Variants in HMGCLL1 observed in about 807,000 individuals in gnomAD.
The protein encoded by HMGCLL1 is 3-hydroxy-3-methylglutaryl-CoA lyase like 1.
A neutral mutation model predicts 39.1 loss-of-function variants in HMGCLL1; 36 were observed. The ratio of observed to expected loss-of-function variants is 0.92; its 90% confidence interval spans 0.71 to 1.22. The LOEUF (loss-of-function observed/expected upper bound fraction) is 1.22. HMGCLL1 is among the 50% of genes most tolerant of loss of function. HMGCLL1 has a pLI of 0.00. For synonymous variants in HMGCLL1, 149 were observed against 144.0 expected (o/e 1.03, Z -0.25); for missense variants, 451 against 416.5 (o/e 1.08, Z -0.72).
At chr6:55,652,477 A>G in the HMGCLL1 span, among the ~76,000 whole-genome samples, 1 of 152,114 alleles carries the variant, frequency 6.6e-6, no homozygotes, top group Non-Finnish European at 1.5e-5. Flanking sequence ...GAAAAAAATA[A>G]ACCCTAAGAG....
At chr6:55,663,125 A>C in the HMGCLL1 span, among the ~76,000 whole-genome samples, 1 of 151,176 alleles carries the variant, frequency 6.6e-6, no homozygotes, top group Non-Finnish European at 1.5e-5. Context: ...TTAAAAAAAA[A>C]CATACTCCTG....
At chr6:55,551,679 T>C (rs1210034997) in intron 1 of HMGCLL1, among the ~76,000 whole-genome samples, 1 of 151,956 alleles carries the variant, frequency 6.6e-6, no homozygotes, top group Non-Finnish European at 1.5e-5. Context: ...GTACAGCCTC[T>C]ACCCAAACCA....
In HMGCLL1 at chr6:55,500,709, CT is replaced by C. The variant is rs757837627; in HGVS notation, c.543-1411del. 7.8e-4 allele frequency among the ~76,000 whole-genome samples: 118 copies of C among 151,984 alleles called. No homozygotes were observed. The Middle Eastern group carries it at 0.01, about 13-fold the overall frequency. On this transcript the variant is annotated intron_variant, in intron 5 of 8. Transcript: ENST00000274901. The stretch of plus-strand genomic sequence containing the variant: ...CCAATCACTATAATCTAAGTTTATG[CT>C]TTAGATAATCTGTACATTTAATCAA...
the HMGCLL1 span, among the ~76,000 whole-genome samples, chr6:55,592,748 C>T: frequency 1.3e-5 from 2 of 152,000 alleles, no homozygotes; most frequent in African/African-American, 2.4e-5. Context: ...TTTTCAAGTG[C>T]AGTTCTAAAT....
At chr6:55,620,252 T>G in the HMGCLL1 span, among the ~76,000 whole-genome samples, 1 of 152,114 alleles carries the variant, frequency 6.6e-6, no homozygotes, top group African/African-American at 2.4e-5. Context: ...TACTTTTAGT[T>G]TTTTGAGGAA....
the HMGCLL1 span, among the ~76,000 whole-genome samples, chr6:55,607,403 T>C: frequency 6.6e-6 from 1 of 152,154 alleles, no homozygotes; most frequent in African/African-American, 2.4e-5. Flanking sequence ...ATGTGGTGGA[T>C]GCTATAATGT....
At chr6:55,564,693 C>CT (rs1771127039) in intron 1 of HMGCLL1, among the ~76,000 whole-genome samples, 1 of 151,996 alleles carries the variant, frequency 6.6e-6, no homozygotes, top group South Asian at 2.1e-4. Context: ...TTTTTGATGA[C>CT]TTTGAGTCAA....
chr6:55,639,804 C>A, the HMGCLL1 span, among the ~76,000 whole-genome samples: 3 of 152,154 alleles, frequency 2.0e-5, no homozygotes, highest in East Asian at 5.8e-4. Context: ...GTGGGCCAGG[C>A]ACAGTGGCTC....
the HMGCLL1 span, among the ~76,000 whole-genome samples, chr6:55,606,289 C>T: frequency 3.9e-5 from 6 of 152,240 alleles, no homozygotes; most frequent in South Asian, 1.2e-3. Context: ...ACTTTTTATA[C>T]ACACGACATA....
chr6:55,587,730 CA>C, the HMGCLL1 span, among the ~76,000 whole-genome samples: 3 of 151,284 alleles, frequency 2.0e-5, no homozygotes, highest in Non-Finnish European at 3.0e-5. Context: ...AAATGGAAAA[CA>C]AAAAAAGGCA....
At chr6:55,581,511 T>G (rs1266180814), upstream of HMGCLL1, among the ~76,000 whole-genome samples, 1 of 152,080 alleles carries the variant, frequency 6.6e-6, no homozygotes, top group African/African-American at 2.4e-5. Flanking sequence ...TGCTTAAAAT[T>G]TATACATTTG....
At chr6:55,495,673 C>A in intron 6 of HMGCLL1, 66 bp from the exon 7 acceptor site, 3 of 1,151,532 alleles carry the variant, frequency 2.6e-6, no homozygotes, top group South Asian at 1.8e-5. Context: ...TCTTGTGCCA[C>A]AACTAACATC....
chr6:55,625,880 T>G, the HMGCLL1 span, among the ~76,000 whole-genome samples: 606 of 152,230 alleles, frequency 4.0e-3, 4 homozygotes, highest in African/African-American at 0.013. Context: ...AGGAAGAGTT[T>G]AATAATCAAG....
intron 7 of HMGCLL1, 88 bp from the exon 8 acceptor site, chr6:55,439,647 TA>T (rs1763514892): frequency 7.0e-7 from 1 of 1,419,830 alleles, no homozygotes; most frequent in African/African-American, 1.4e-5. Context: ...AAACTGCAAA[TA>T]AGCAAAATCT....
At chr6:55,582,359 C>G (rs1045850626), upstream of HMGCLL1, among the ~76,000 whole-genome samples, 28 of 152,200 alleles carry the variant, frequency 1.8e-4, no homozygotes, top group African/African-American at 6.5e-4. Flanking sequence ...GTCTGGCTTC[C>G]TGGGTGATTT....
intron 3 of HMGCLL1, among the ~76,000 whole-genome samples, chr6:55,519,548 C>T (rs1767927860): frequency 6.6e-6 from 1 of 152,022 alleles, no homozygotes; most frequent in Non-Finnish European, 1.5e-5. Flanking sequence ...AACATGCACA[C>T]ACAAATGTGC....
chr6:55,534,811 G>A (rs945535895), intron 3 of HMGCLL1, among the ~76,000 whole-genome samples: 1 of 152,192 alleles, frequency 6.6e-6, no homozygotes, highest in South Asian at 2.1e-4. Context: ...TTGGTGTGCG[G>A]GTAATCGAAG....
At chr6:55,552,404 T>G (rs1468823368) in intron 1 of HMGCLL1, among the ~76,000 whole-genome samples, 1 of 152,038 alleles carries the variant, frequency 6.6e-6, no homozygotes, top group Admixed American at 6.5e-5. Context: ...AGGTAGAAAC[T>G]ATTATCTAAA....
At chr6:55,494,971 C>T (rs751030769) in intron 7 of HMGCLL1, among the ~76,000 whole-genome samples, 9 of 152,074 alleles carry the variant, frequency 5.9e-5, no homozygotes, top group Non-Finnish European at 1.0e-4. Flanking sequence ...ACATTTTAAG[C>T]AAAATATACT....
Sources: gnomAD v4.1 joint callset for allele counts (sites outside exome capture counted in the v4.1 genomes callset) on GRCh38, gnomAD v4.1.1 for gene constraint, MANE v1.5 for transcripts, NCBI Gene and HGNC (gene_info 2026-07-23, HGNC 2026-07-21) for gene names.